PTGER3: variants seen among roughly 807,000 people sequenced by gnomAD.
The protein encoded by PTGER3 is prostaglandin E2 receptor EP3 subtype.
PTGER3 carries 22 observed loss-of-function variants against 34.7 expected under a neutral mutation model. That is an observed-to-expected ratio of 0.63 (90% CI 0.45 to 0.91). PTGER3 has a LOEUF of 0.91. PTGER3 is among the 40% of genes least tolerant of loss of function. The probability of loss-of-function intolerance (pLI) is 0.00; values close to 1 mark genes in which losing one functional copy is unlikely to be tolerated. For missense variants in PTGER3, 468 were observed against 519.4 expected, an observed-to-expected ratio of 0.90 and a Z score of 0.96; for synonymous variants, 241 against 230.1, an observed-to-expected ratio of 1.05 and a Z score of -0.43.
chr1:70,981,804 C>A (rs1029225207), intron 2 of PTGER3, among the ~76,000 whole-genome samples: 1 of 151,946 alleles, frequency 6.6e-6, no homozygotes, highest in Non-Finnish European at 1.5e-5. Context: ...AATAACCAAC[C>A]AATGCAAACA....
At chr1:71,043,886 G>C (rs1014735794) in intron 1 of PTGER3, among the ~76,000 whole-genome samples, 1 of 150,360 alleles carries the variant, frequency 6.7e-6, no homozygotes, top group East Asian at 2.0e-4. Flanking sequence ...GCGTGATCTC[G>C]GCTCACAGCA....
At chr1:70,917,854 A>T (rs977231428) in intron 4 of PTGER3, among the ~76,000 whole-genome samples, 1 of 152,016 alleles carries the variant, frequency 6.6e-6, no homozygotes, top group Non-Finnish European at 1.5e-5. Context: ...TCTTCCAATA[A>T]CTATCTACTT....
chr1:70,918,322 A>C (rs1264460023), intron 4 of PTGER3, among the ~76,000 whole-genome samples: 1 of 152,082 alleles, frequency 6.6e-6, no homozygotes, highest in African/African-American at 2.4e-5. Context: ...GAAATGCTTC[A>C]TGAAATTGGG....
intron 1 of PTGER3, among the ~76,000 whole-genome samples, chr1:71,022,234 T>C (rs1388698427): frequency 6.6e-6 from 1 of 151,956 alleles, no homozygotes; most frequent in African/African-American, 2.4e-5. Context: ...GTTGCAATCC[T>C]AGAACTATAA....
At chr1:71,009,848 A>G in intron 2 of PTGER3, 1 of 985,128 alleles carries the variant, frequency 1.0e-6, no homozygotes, top group Non-Finnish European at 1.2e-6. Flanking sequence ...CTGTGACTAC[A>G]TATATCCTCT....
chr1:70,977,465 C>T (rs915140878), intron 2 of PTGER3, among the ~76,000 whole-genome samples: 1 of 152,020 alleles, frequency 6.6e-6, no homozygotes, highest in Admixed American at 6.6e-5. Flanking sequence ...TTTCTGCTCA[C>T]CTACACTAGC....
chr1:70,932,481 G>A (rs555130126), intron 4 of PTGER3, among the ~76,000 whole-genome samples: 12 of 152,226 alleles, frequency 7.9e-5, no homozygotes, highest in African/African-American at 2.9e-4. Context: ...AAGAAAAAGA[G>A]GCTTAATTGG....
chr1:70,975,081 G>A (rs1653550487), intron 2 of PTGER3, among the ~76,000 whole-genome samples: 1 of 152,044 alleles, frequency 6.6e-6, no homozygotes, highest in South Asian at 2.1e-4. Context: ...TTTCTTTCAG[G>A]AACTCATGGC....
At chr1:70,867,739 A>T (rs1456126192) in intron 4 of PTGER3, among the ~76,000 whole-genome samples, 2 of 152,130 alleles carry the variant, frequency 1.3e-5, no homozygotes, top group Non-Finnish European at 2.9e-5. Flanking sequence ...GAAAAAAAAA[A>T]GTCTGGAAAG....
chr1:70,897,067 G>A (rs1477094115), intron 4 of PTGER3, among the ~76,000 whole-genome samples: 2 of 152,156 alleles, frequency 1.3e-5, no homozygotes, highest in Non-Finnish European at 2.9e-5. Flanking sequence ...ATAAGTGCCT[G>A]AGGTCTGTGG....
chr1:70,856,131 CA>C (rs1645797804), intron 4 of PTGER3, among the ~76,000 whole-genome samples: 1 of 151,958 alleles, frequency 6.6e-6, no homozygotes, highest in African/African-American at 2.4e-5. Flanking sequence ...TGTAGACTTC[CA>C]AGGTGTCTAT....
At chr1:70,928,530 G>A (rs938794111) in intron 4 of PTGER3, among the ~76,000 whole-genome samples, 2 of 147,796 alleles carry the variant, frequency 1.4e-5, no homozygotes, top group African/African-American at 5.3e-5. Context: ...CTACTCAGGG[G>A]ACTAAGGTTG....
At chr1:70,944,386 G>A (rs1188157699) in intron 4 of PTGER3, among the ~76,000 whole-genome samples, 6 of 152,068 alleles carry the variant, frequency 3.9e-5, no homozygotes, top group Non-Finnish European at 8.8e-5. Context: ...TGGTTGCCCT[G>A]TTACCACCAT....
chr1:70,902,679 A>G (rs1412084372), intron 4 of PTGER3, among the ~76,000 whole-genome samples: 1 of 152,212 alleles, frequency 6.6e-6, no homozygotes, highest in Non-Finnish European at 1.5e-5. Context: ...AAGGAATTGC[A>G]CAGGGTAGGA....
rs187394081 is a variant in PTGER3, at chr1:71,042,867, G to A, written c.897+3814C>T. Among the ~76,000 whole-genome samples the A allele has an allele frequency of 3.9e-5, 6 of 152,276 alleles. No homozygotes were observed. In the East Asian group the frequency reaches 7.7e-4, roughly 20 times the overall value. On this transcript the variant is annotated intron_variant, in intron 1 of 3. Coordinates refer to ENST00000306666, the MANE Select transcript of PTGER3 (RefSeq NM_198719.2). ...TGGATACTGAGCAGGGAATTCAGTG[G>A]TTCAAGATTAAAGGCAAAAGTTTCT... is the stretch of plus-strand genomic sequence containing the variant.
At chr1:70,956,903 G>A (rs1651402037) in intron 2 of PTGER3, among the ~76,000 whole-genome samples, 1 of 152,154 alleles carries the variant, frequency 6.6e-6, no homozygotes, top group South Asian at 2.1e-4. Context: ...GTTGAGGCAG[G>A]AGAATCGCTT....
chr1:71,047,152 G>A lies in PTGER3; in HGVS notation c.426C>T (p.Leu142=), dbSNP rs1267556281. Residue 142 remains leucine (L), a synonymous_variant, in exon 1 of 4, where the codon CTC becomes CTT. Transcript: ENST00000306666. Reference sequence around the variant, plus strand: ...TGGCGCTGGCGATGAACAACGAGGAGAGCCCGAAAACAGTCATGGTCAGCC... The same window carrying A: ...TGGCGCTGGCGATGAACAACGAGGAAAGCCCGAAAACAGTCATGGTCAGCC... ...FFGLTMTVFG[L]SSLFIASAMA... 6.2e-7 allele frequency: 1 copy of A among 1,601,282 alleles called. No individual in the cohort carries two copies. Among genetic ancestry groups the A allele is most frequent in the Admixed American group, 1.7e-5 (1 of 57,462 alleles).
At chr1:70,930,441 A>G (rs1648574955) in intron 4 of PTGER3, among the ~76,000 whole-genome samples, 1 of 152,148 alleles carries the variant, frequency 6.6e-6, no homozygotes, top group Non-Finnish European at 1.5e-5. Context: ...ATCTCCTTAC[A>G]CTGTACTCAT....
chr1:70,862,194 C>T, intron 4 of PTGER3: 6 of 510,804 alleles, frequency 1.2e-5, no homozygotes, highest in South Asian at 3.1e-5. Context: ...TTTTTTTCAC[C>T]CACTCCTGAA....
Sources: allele counts gnomAD v4.1 joint callset (sites outside exome capture counted in the v4.1 genomes callset), GRCh38; gene constraint gnomAD v4.1.1; transcripts MANE v1.5; gene names NCBI Gene and HGNC (gene_info 2026-07-23, HGNC 2026-07-21).